Variants in SET observed in about 807,000 individuals in gnomAD.
The protein encoded by SET is protein SET.
In SET, 4 loss-of-function variants were observed where a neutral mutation model predicts 39.0. That is an observed-to-expected ratio of 0.10 (90% CI 0.05 to 0.23). The LOEUF is 0.23. Among genes scored for constraint, SET ranks in the 10% least tolerant of loss-of-function variants. SET has a pLI of 1.00. For missense variants in SET, 137 were observed against 329.7 expected (o/e 0.42, Z 4.53); for synonymous variants, 114 against 115.9 (o/e 0.98, Z 0.11).
chr9:128,685,181 A>C (rs1429793077), upstream of SET: 1 of 1,598,802 alleles, frequency 6.3e-7, no homozygotes. Flanking sequence ...GGATGCAGAG[A>C]CCTCCTGCCC....
chr9:128,684,228 C>A (rs1248561535), upstream of SET, among the ~76,000 whole-genome samples: 2 of 152,074 alleles, frequency 1.3e-5, no homozygotes, highest in Admixed American at 1.3e-4. Flanking sequence ...TCAACACTGA[C>A]CCCTGAGCTT....
In SET at chr9:128,695,511, A is replaced by G. The variant is rs924028125; in HGVS notation, c.*847A>G. 4.5e-6 allele frequency: 1 copy of G among 223,050 alleles called. No individual in the cohort carries two copies. The highest frequency in any genetic ancestry group is 9.1e-6 in the Non-Finnish European group (1 of 109,668). The allele number at this position is 223,050 out of a possible 1,614,324, so 13.8% of individuals were successfully genotyped here. On this transcript the variant is annotated 3_prime_UTR_variant, in exon 8 of 8. Coordinates refer to ENST00000322030, the MANE Select transcript of SET (RefSeq NM_003011.4). ...AAAGTGTACAAGTTGCTTTGTTACAATAAAACTAAATGTGTACACAAAGGA... is the reference window on the plus strand; with the variant it reads ...AAAGTGTACAAGTTGCTTTGTTACAGTAAAACTAAATGTGTACACAAAGGA...
In SET at chr9:128,691,885, T is replaced by C; in HGVS notation, c.159T>C (p.Ile53=). Reference sequence around the variant, plus strand: ...TTAATGAACAAGCCAGTGAGGAGATTTTGAAAGTAGAACAGAAATATAACA... The same window carrying C: ...TTAATGAACAAGCCAGTGAGGAGATCTTGAAAGTAGAACAGAAATATAACA... ...DRLNEQASEE[I]LKVEQKYNKL... is the part of the protein sequence containing the mutation. Residue 53 remains isoleucine, a synonymous_variant, in exon 3 of 8, where the codon ATT becomes ATC. Coordinates refer to ENST00000322030, the MANE Select transcript of SET (RefSeq NM_003011.4). 6.2e-7 allele frequency: 1 copy of C among 1,613,530 alleles called. No homozygotes were observed. Among genetic ancestry groups the C allele is most frequent in the Non-Finnish European group, 8.5e-7 (1 of 1,179,688 alleles).
At chr9:128,687,042 G>T (rs538910893), upstream of SET, among the ~76,000 whole-genome samples, 10 of 152,280 alleles carry the variant, frequency 6.6e-5, no homozygotes, top group South Asian at 2.1e-3. Flanking sequence ...TAGAATCTTG[G>T]TTCTGTCACT....
intron 7 of SET, 65 bp downstream of exon 7, chr9:128,694,107 T>TATAG (rs1861642243): frequency 1.2e-6 from 1 of 850,426 alleles, no homozygotes. Context: ...TTTTGGGGTG[T>TATAG]ATATATATAT....
chr9:128,690,052 C>T lies in SET; in HGVS notation c.73+397C>T, dbSNP rs1487187583. Reference sequence around the variant, plus strand: ...GTGCGGCCGGACGCGGCCCCGCGCCCGACCTCCCGCGCGGTTCCGCTTCGC... The same window carrying T: ...GTGCGGCCGGACGCGGCCCCGCGCCTGACCTCCCGCGCGGTTCCGCTTCGC... On this transcript the variant is annotated intron_variant, in intron 1 of 7. Transcript: ENST00000322030. 4.1e-6 allele frequency: 4 copies of T among 963,866 alleles called. No individual in the cohort carries two copies. The African/African-American group carries it at 5.4e-5, about 13-fold the overall frequency. 59.7% of individuals were successfully genotyped at this position (963,866 alleles called of 1,614,324 possible).
In SET at chr9:128,693,915, AAGAAGG is replaced by A. The variant is rs746838549; in HGVS notation, c.695_700del (p.Gly232_Glu233del). The A allele has an allele frequency of 1.0e-4, 159 of 1,593,688 alleles. 1 individual carries two copies. Among genetic ancestry groups the A allele is most frequent in the Middle Eastern group, 5.0e-4 (3 of 6,044 alleles). ...TTTAAGGTTCCCGATATGGATGATG[AAGAAGG>A]AGAAGGAGAAGAAGATGATGATGAT... On this transcript the variant is annotated inframe_deletion, in exon 7 of 8. Coordinates refer to ENST00000322030, the MANE Select transcript of SET (RefSeq NM_003011.4).
At chr9:128,688,607 A>G (rs1426408423), upstream of SET, among the ~76,000 whole-genome samples, 1 of 152,230 alleles carries the variant, frequency 6.6e-6, no homozygotes. Context: ...ATTTCATAAC[A>G]GAAACGGGTT....
intron 7 of SET, 48 bp downstream of exon 7, chr9:128,694,090 C>T: frequency 7.1e-7 from 1 of 1,400,028 alleles, no homozygotes; most frequent in South Asian, 1.4e-5. Context: ...TTAAAGAATT[C>T]ATGTTATTTT....
chr9:128,689,930 C>T (rs1861455509), intron 1 of SET: 2 of 172,500 alleles, frequency 1.2e-5, no homozygotes, highest in Middle Eastern at 5.5e-3. Flanking sequence ...CTCCCCCCTC[C>T]CTCGCTCTCC....
At chr9:128,684,012 G>C (rs1039933239) in intron 1 of SET, 2 of 1,537,184 alleles carry the variant, frequency 1.3e-6, no homozygotes, top group Non-Finnish European at 1.8e-6. Context: ...AGGGAGGTAC[G>C]TTTCTGCGCT....
At chr9:128,685,019 A>G, upstream of SET, 1 of 1,464,194 alleles carries the variant, frequency 6.8e-7, no homozygotes, top group Non-Finnish European at 9.0e-7. Flanking sequence ...CTGGGTGTGG[A>G]TAGGCCCAGG....
At chr9:128,687,414 C>G (rs190182210), upstream of SET, among the ~76,000 whole-genome samples, 3 of 152,028 alleles carry the variant, frequency 2.0e-5, no homozygotes, top group Non-Finnish European at 4.4e-5. Flanking sequence ...TGAGACCAGT[C>G]TGGCCAACAT....
rs12342940 is a variant in SET, at chr9:128,693,049, C to G, written c.492+68C>G. On this transcript the variant is annotated intron_variant, in intron 5 of 7. Coordinates refer to ENST00000322030, the MANE Select transcript of SET (RefSeq NM_003011.4). The stretch of plus-strand genomic sequence containing the variant: ...ATTTCAGTTTAGTTTTAACCACTTA[C>G]AAGTGCTTGATACTTTGGTCATGTG... 5 of 1,023,828 alleles carry G rather than the reference C, an allele frequency of 4.9e-6. No homozygotes were observed. The Admixed American group carries it at 1.1e-4, about 22-fold the overall frequency. 63.4% of individuals were successfully genotyped at this position (1,023,828 alleles called of 1,614,324 possible).
chr9:128,690,576 C>A, intron 1 of SET: 1 of 154,038 alleles, frequency 6.5e-6, no homozygotes, highest in Non-Finnish European at 1.4e-5. Context: ...GGGGCCGCAT[C>A]TGAGGTCTGC....
At chr9:128,689,178 G>C, upstream of SET, 1 of 804,000 alleles carries the variant, frequency 1.2e-6, no homozygotes, top group Non-Finnish European at 1.5e-6. Context: ...GGCCGGAGGC[G>C]GAGCATCCGC....
intron 3 of SET, 173 bp from the exon 4 acceptor site, chr9:128,692,489 T>C: frequency 5.6e-6 from 3 of 533,830 alleles, no homozygotes; most frequent in Non-Finnish European, 1.0e-5. Context: ...TATATTCTAA[T>C]TGCTTGATGA....
At chr9:128,684,242 T>C (rs182443825), upstream of SET, among the ~76,000 whole-genome samples, 1 of 152,076 alleles carries the variant, frequency 6.6e-6, no homozygotes, top group Non-Finnish European at 1.5e-5. Flanking sequence ...TGAGCTTGTC[T>C]CCCCAGCCCC....
At position 128,693,088 on chromosome 9, in the gene SET, C is replaced by T. The variant is rs1317827121; in HGVS notation, c.492+107C>T. 3 of 737,874 alleles carry T rather than the reference C, an allele frequency of 4.1e-6. No homozygotes were observed. In the African/African-American group the frequency reaches 5.3e-5, roughly 13 times the overall value. 45.7% of individuals were successfully genotyped at this position (737,874 alleles called of 1,614,324 possible). A position where few individuals can be genotyped will look rare whatever the true frequency, so the allele number is the denominator to read the frequency against. Reference sequence around the variant, plus strand: ...TTTGGTCATGTGGCTAAATACAAAACCTTAAAATATAAAACGTTCCAGTGT... The same window carrying T: ...TTTGGTCATGTGGCTAAATACAAAATCTTAAAATATAAAACGTTCCAGTGT... On this transcript the variant is annotated intron_variant, in intron 5 of 7. Transcript: ENST00000322030.
Sources: gnomAD v4.1 joint callset for allele counts (sites outside exome capture counted in the v4.1 genomes callset) on GRCh38, gnomAD v4.1.1 for gene constraint, MANE v1.5 for transcripts, NCBI Gene and HGNC (gene_info 2026-07-23, HGNC 2026-07-21) for gene names.